Variants in CTNNA2 observed in about 807,000 individuals in gnomAD.
The protein encoded by CTNNA2 is catenin alpha 2.
CTNNA2 carries 42 observed loss-of-function variants against 101.0 expected under a neutral mutation model. That is an observed-to-expected ratio of 0.42 (90% CI 0.32 to 0.54). CTNNA2 has a LOEUF of 0.54. Among genes scored for constraint, CTNNA2 ranks in the 20% least tolerant of loss-of-function variants. The pLI, the probability that CTNNA2 is intolerant of heterozygous loss-of-function variation, is 0.14. For missense variants in CTNNA2, 871 were observed against 1,223.1 expected (o/e 0.71, Z 4.29); for synonymous variants, 450 against 456.4 (o/e 0.99, Z 0.18).
chr2:79,861,637 C>G (rs1681632913), intron 4 of CTNNA2, among the ~76,000 whole-genome samples: 1 of 152,130 alleles, frequency 6.6e-6, no homozygotes, highest in Non-Finnish European at 1.5e-5. Flanking sequence ...GCTACTTGTT[C>G]TATCATGCAA....
chr2:80,489,364 A>G (rs1686851022), intron 9 of CTNNA2, among the ~76,000 whole-genome samples: 1 of 152,228 alleles, frequency 6.6e-6, no homozygotes, highest in Non-Finnish European at 1.5e-5. Context: ...TCAAAAAAAG[A>G]TAAACCATCA....
At chr2:79,866,897 C>T (rs1002066383) in intron 4 of CTNNA2, among the ~76,000 whole-genome samples, 2 of 152,178 alleles carry the variant, frequency 1.3e-5, no homozygotes, top group Non-Finnish European at 2.9e-5. Flanking sequence ...TTAATGAAGA[C>T]GTGAGGATTG....
chr2:79,311,514 A>G (rs959577127), intron 2 of CTNNA2, among the ~76,000 whole-genome samples: 1 of 152,102 alleles, frequency 6.6e-6, no homozygotes, highest in African/African-American at 2.4e-5. Flanking sequence ...CAGAATGTGA[A>G]ATAGTAACAA....
chr2:80,147,489 A>T (rs1300344515), intron 7 of CTNNA2, among the ~76,000 whole-genome samples: 1 of 152,168 alleles, frequency 6.6e-6, no homozygotes, highest in African/African-American at 2.4e-5. Flanking sequence ...GCTGAGGGGC[A>T]CCAAGATTAG....
At chr2:80,091,809 G>C (rs115826332) in intron 7 of CTNNA2, among the ~76,000 whole-genome samples, 4,273 of 151,894 alleles carry the variant, frequency 0.028, 82 homozygotes, top group Non-Finnish European at 0.046. Flanking sequence ...AAATCAATCA[G>C]TTGATTTCAA....
chr2:79,660,101 G>A (rs996519807), intron 2 of CTNNA2, among the ~76,000 whole-genome samples: 1 of 151,746 alleles, frequency 6.6e-6, no homozygotes, highest in Non-Finnish European at 1.5e-5. Context: ...AAATACATAT[G>A]TATATATACA....
intron 1 of CTNNA2, among the ~76,000 whole-genome samples, chr2:79,572,649 GC>G (rs1675529195): frequency 6.6e-6 from 1 of 152,182 alleles, no homozygotes; most frequent in African/African-American, 2.4e-5. Context: ...CTATTCAGGA[GC>G]CTGAGGCACT....
intron 7 of CTNNA2, among the ~76,000 whole-genome samples, chr2:80,364,427 C>G (rs539527833): frequency 4.0e-4 from 61 of 152,068 alleles, no homozygotes; most frequent in African/African-American, 1.4e-3. Flanking sequence ...GATGGTGAAG[C>G]CTGAAAATAT....
intron 18 of CTNNA2, among the ~76,000 whole-genome samples, chr2:80,622,912 T>G (rs531032625): frequency 6.6e-6 from 1 of 151,630 alleles, no homozygotes; most frequent in Non-Finnish European, 1.5e-5. Flanking sequence ...TAATTTCCTA[T>G]TGTGACATCA....
At chr2:80,236,747 A>G (rs1300467567) in intron 7 of CTNNA2, among the ~76,000 whole-genome samples, 1 of 152,200 alleles carries the variant, frequency 6.6e-6, no homozygotes, top group Non-Finnish European at 1.5e-5. Flanking sequence ...CTGTGAAATC[A>G]CTAGGATAAG....
chr2:79,194,536 C>A (rs1362858742), intron 1 of CTNNA2, among the ~76,000 whole-genome samples: 1 of 152,164 alleles, frequency 6.6e-6, no homozygotes, highest in Non-Finnish European at 1.5e-5. Flanking sequence ...AAATAGGTTT[C>A]AGGACACTTT....
chr2:79,367,527 G>A (rs1180799925), intron 3 of CTNNA2, among the ~76,000 whole-genome samples: 2 of 152,128 alleles, frequency 1.3e-5, no homozygotes, highest in African/African-American at 2.4e-5. Flanking sequence ...AGATGATTTA[G>A]AAAGCTAATG....
At chr2:80,170,143 T>C (rs922934961) in intron 7 of CTNNA2, among the ~76,000 whole-genome samples, 21 of 152,246 alleles carry the variant, frequency 1.4e-4, no homozygotes, top group African/African-American at 5.1e-4. Flanking sequence ...ATATTTTTTG[T>C]TTTTCTTTTT....
In CTNNA2 at chr2:79,583,223, A is replaced by T. The variant is rs918431756; in HGVS notation, c.-5-68329A>T. 2.0e-5 allele frequency among the ~76,000 whole-genome samples: 3 copies of T among 151,210 alleles called. No individual in the cohort carries two copies. In the South Asian group the frequency reaches 6.3e-4, roughly 32 times the overall value. ...TATACACACATATATATATATATAA[A>T]ATATATATATCAACAAAGGAAGACT... On this transcript the variant is annotated intron_variant, in intron 1 of 18. Transcript: ENST00000402739.
At chr2:80,004,338 G>C (rs766618941) in intron 7 of CTNNA2, among the ~76,000 whole-genome samples, 1 of 152,134 alleles carries the variant, frequency 6.6e-6, no homozygotes, top group Non-Finnish European at 1.5e-5. Context: ...GTATGGCCTA[G>C]AGTAAGGTTA....
chr2:79,462,496 A>C (rs1031670317), intron 4 of CTNNA2, among the ~76,000 whole-genome samples: 1 of 152,220 alleles, frequency 6.6e-6, no homozygotes, highest in Non-Finnish European at 1.5e-5. Context: ...CTGATTCCTT[A>C]AGTGACTATC....
In CTNNA2 at chr2:79,706,323, A is replaced by G. The variant is rs530811683; in HGVS notation, c.103-38064A>G. Reference sequence around the variant, plus strand: ...GCTTGCAGTGAGCCGAGATCACGCCACTGCACTCCGCCCTGGGCGACAGAG... The same window carrying G: ...GCTTGCAGTGAGCCGAGATCACGCCGCTGCACTCCGCCCTGGGCGACAGAG... On this transcript the variant is annotated intron_variant, in intron 2 of 18. Coordinates refer to ENST00000402739, the MANE Select transcript of CTNNA2 (RefSeq NM_001282597.3). Among the ~76,000 whole-genome samples, 16 of 143,054 alleles carry G rather than the reference A, an allele frequency of 1.1e-4. No homozygotes were observed. In the East Asian group the frequency reaches 3.4e-3, roughly 31 times the overall value. The allele number at this position is 143,054 out of a possible 152,430, so 93.8% of individuals were successfully genotyped here.
At chr2:79,860,546 G>GTTTTTT (rs56929879) in intron 4 of CTNNA2, among the ~76,000 whole-genome samples, 37,487 of 106,762 alleles carry the variant, frequency 0.35, 7,152 homozygotes, top group South Asian at 0.4. Context: ...AGTAAGGGAA[G>GTTTTTT]TTTTTTTTTT....
intron 3 of CTNNA2, among the ~76,000 whole-genome samples, chr2:79,344,626 T>A (rs969036358): frequency 9.2e-5 from 14 of 151,858 alleles, no homozygotes; most frequent in Non-Finnish European, 1.6e-4. Context: ...AGGCCTTTTT[T>A]AATAAAGTCC....
Sources: gnomAD v4.1 joint callset for allele counts (sites outside exome capture counted in the v4.1 genomes callset) on GRCh38, gnomAD v4.1.1 for gene constraint, MANE v1.5 for transcripts, NCBI Gene and HGNC (gene_info 2026-07-23, HGNC 2026-07-21) for gene names.